Variants in ELP3 observed in about 807,000 individuals in gnomAD.
ELP3 encodes elongator acetyltransferase complex subunit 3, also known as elongator complex protein 3.
In ELP3, 56 loss-of-function variants were observed where a neutral mutation model predicts 74.9. That is an observed-to-expected ratio of 0.75 (90% CI 0.60 to 0.93). The LOEUF (loss-of-function observed/expected upper bound fraction) is 0.93, where lower values mean the gene tolerates loss of function less well. Ranked by LOEUF, ELP3 falls within the 40% of genes least tolerant of loss-of-function variation. The pLI is 0.00. For synonymous variants in ELP3, 222 were observed against 239.8 expected (o/e 0.93, Z 0.68); for missense variants, 573 against 686.5 (o/e 0.83, Z 1.85).
At chr8:28,151,224 A>G (rs1585713131) in intron 10 of ELP3, among the ~76,000 whole-genome samples, 1 of 152,200 alleles carries the variant, frequency 6.6e-6, no homozygotes, top group African/African-American at 2.4e-5. Context: ...TCTGTCTACT[A>G]ATAAGCCCAT....
chr8:28,140,097 G>A (rs1202653668), intron 10 of ELP3, among the ~76,000 whole-genome samples: 1 of 149,174 alleles, frequency 6.7e-6, no homozygotes, highest in African/African-American at 2.5e-5. Flanking sequence ...GGATACCGAG[G>A]GACAACTGTA....
In ELP3 at chr8:28,140,405, A is replaced by G. The variant is rs191627788; in HGVS notation, c.1100+2514A>G. On this transcript the variant is annotated intron_variant, in intron 10 of 14. Transcript: ENST00000256398. ...AATAGGAATCCACTAGTTTATACCA[A>G]TATTCCTAATTAATAAATTGTAAGT... Among the ~76,000 whole-genome samples the G allele has an allele frequency of 5.3e-5, 8 of 152,336 alleles. No homozygotes were observed. In the East Asian group the frequency reaches 7.7e-4, roughly 15 times the overall value.
intron 14 of ELP3, among the ~76,000 whole-genome samples, chr8:28,170,336 G>A (rs1814469866): frequency 6.6e-6 from 1 of 152,100 alleles, no homozygotes; most frequent in African/African-American, 2.4e-5. Context: ...AGACCCTTTG[G>A]GCAGACCTAA....
At chr8:28,187,126 G>A (rs1815271745) in intron 14 of ELP3, among the ~76,000 whole-genome samples, 1 of 152,090 alleles carries the variant, frequency 6.6e-6, no homozygotes, top group South Asian at 2.1e-4. Context: ...TAAATACCCT[G>A]GAGTCGCCTT....
chr8:28,172,701 C>A (rs751493236), intron 14 of ELP3, among the ~76,000 whole-genome samples: 2 of 152,048 alleles, frequency 1.3e-5, no homozygotes, highest in African/African-American at 4.8e-5. Flanking sequence ...AATGGGCAAC[C>A]TTATCTGGCT....
intron 6 of ELP3, chr8:28,112,692 C>T (rs766015771): frequency 2.7e-4 from 48 of 175,408 alleles, no homozygotes; most frequent in Non-Finnish European, 7.2e-5. Flanking sequence ...TAAATACTTA[C>T]TGTTTTGCAA....
intron 1 of ELP3, among the ~76,000 whole-genome samples, chr8:28,096,594 A>G (rs1258228540): frequency 6.6e-6 from 1 of 152,240 alleles, no homozygotes; most frequent in Non-Finnish European, 1.5e-5. Context: ...ATGGCGTCAT[A>G]CAAGAACCTG....
intron 1 of ELP3, among the ~76,000 whole-genome samples, chr8:28,095,208 G>C (rs1297885272): frequency 6.6e-6 from 1 of 152,134 alleles, no homozygotes; most frequent in Non-Finnish European, 1.5e-5. Flanking sequence ...AAAGATCCCT[G>C]TGCCATTTCC....
At chr8:28,171,659 T>C (rs1040668598) in intron 14 of ELP3, among the ~76,000 whole-genome samples, 18 of 152,182 alleles carry the variant, frequency 1.2e-4, no homozygotes, top group African/African-American at 4.3e-4. Context: ...GTTTGTAATT[T>C]TAATGAAGTC....
intron 6 of ELP3, among the ~76,000 whole-genome samples, chr8:28,111,152 G>A (rs759737624): frequency 2.0e-5 from 3 of 152,102 alleles, no homozygotes; most frequent in Admixed American, 6.5e-5. Context: ...AGAACTAGTC[G>A]GGGTATGGCA....
upstream of ELP3, among the ~76,000 whole-genome samples, chr8:28,091,760 T>C (rs1811060810): frequency 6.6e-6 from 1 of 152,218 alleles, no homozygotes; most frequent in East Asian, 1.9e-4. Context: ...GGAGGTTTAT[T>C]CTGCCAAGGT....
At chr8:28,112,818 C>T in intron 6 of ELP3, 1 of 380,410 alleles carries the variant, frequency 2.6e-6, no homozygotes, top group Non-Finnish European at 4.7e-6. Flanking sequence ...TCTCATTCTC[C>T]CTCCTTATTT....
Position 28,101,660 on chromosome 8 carries a change from G to A in ELP3, c.258+1694G>A, listed in dbSNP as rs532494075. ...GCAGGAGTACAGTGGTACGATCTTG[G>A]CTCACTGCAACTTCTGCCTCCCAGG... On this transcript the variant is annotated intron_variant, in intron 3 of 14. Transcript: ENST00000256398. Among the ~76,000 whole-genome samples, 2 of 151,436 alleles carry A rather than the reference G, an allele frequency of 1.3e-5. 1 individual carries two copies. The highest frequency in any genetic ancestry group is 4.2e-4 in the South Asian group (2 of 4,810).
chr8:28,183,245 C>G, intron 14 of ELP3: 1 of 460,452 alleles, frequency 2.2e-6, no homozygotes, highest in Non-Finnish European at 4.4e-6. Context: ...AGAAGCTGTT[C>G]ACTCTAGGCA....
intron 3 of ELP3, among the ~76,000 whole-genome samples, chr8:28,100,995 T>A (rs2130357458): frequency 6.6e-6 from 1 of 152,322 alleles, no homozygotes; most frequent in East Asian, 1.9e-4. Flanking sequence ...TGACCATATC[T>A]CCTGGATCAC....
chr8:28,149,456 G>A (rs1460769472), intron 10 of ELP3, among the ~76,000 whole-genome samples: 2 of 152,046 alleles, frequency 1.3e-5, no homozygotes, highest in Non-Finnish European at 2.9e-5. Flanking sequence ...TATCAAATTT[G>A]TGGGCATAGA....
chr8:28,094,697 G>A (rs1274940172), intron 1 of ELP3, among the ~76,000 whole-genome samples: 1 of 151,698 alleles, frequency 6.6e-6, no homozygotes, highest in Non-Finnish European at 1.5e-5. Flanking sequence ...AGCCGAGATC[G>A]CACCACTGCA....
At chr8:28,094,113 T>G (rs183113018) in intron 1 of ELP3, among the ~76,000 whole-genome samples, 61 of 152,344 alleles carry the variant, frequency 4.0e-4, no homozygotes, top group African/African-American at 1.4e-3. Flanking sequence ...TTACCTTAGA[T>G]TAAGTCTTGT....
At chr8:28,142,700 T>G (rs1233718433) in intron 10 of ELP3, among the ~76,000 whole-genome samples, 1 of 152,218 alleles carries the variant, frequency 6.6e-6, no homozygotes, top group Non-Finnish European at 1.5e-5. Context: ...TTTTATGCTT[T>G]AGGATTGATA....
Sources: allele counts gnomAD v4.1 joint callset (sites outside exome capture counted in the v4.1 genomes callset), GRCh38; gene constraint gnomAD v4.1.1; transcripts MANE v1.5; gene names NCBI Gene and HGNC (gene_info 2026-07-23, HGNC 2026-07-21).